ROBO2: variants seen among roughly 807,000 people sequenced by gnomAD.
ROBO2 encodes roundabout homolog 2.
Under a neutral mutation model 160.8 loss-of-function variants are expected in ROBO2, and 53 were observed. That is an observed-to-expected ratio of 0.33 (90% confidence interval 0.26 to 0.41). The LOEUF (loss-of-function observed/expected upper bound fraction) is 0.41. Among genes scored for constraint, ROBO2 ranks in the 10% least tolerant of loss-of-function variants. The pLI, the probability that ROBO2 is intolerant of heterozygous loss-of-function variation, is 1.00. For synonymous variants in ROBO2, 664 were observed against 611.7 expected (o/e 1.09, Z -1.26); for missense variants, 1,577 against 1,722.4 (o/e 0.92, Z 1.49).
intron 2 of ROBO2, among the ~76,000 whole-genome samples, chr3:76,476,628 G>A (rs2078944878): frequency 6.6e-6 from 1 of 152,160 alleles, no homozygotes; most frequent in Non-Finnish European, 1.5e-5. Flanking sequence ...AGGGTGATTG[G>A]GAGAGGTGGC....
At chr3:77,283,735 GA>G (rs1431483496) in intron 2 of ROBO2, among the ~76,000 whole-genome samples, 1 of 151,978 alleles carries the variant, frequency 6.6e-6, no homozygotes, top group Non-Finnish European at 1.5e-5. Flanking sequence ...GGTCCATATG[GA>G]AAATGAGATT....
At chr3:76,129,811 A>G (rs922333715) in intron 2 of ROBO2, among the ~76,000 whole-genome samples, 1 of 151,898 alleles carries the variant, frequency 6.6e-6, no homozygotes, top group African/African-American at 2.4e-5. Flanking sequence ...CTTGGCATCA[A>G]TTGTCAGGGA....
chr3:77,062,949 A>G (rs1486682467), intron 1 of ROBO2, among the ~76,000 whole-genome samples: 2 of 152,136 alleles, frequency 1.3e-5, no homozygotes, highest in African/African-American at 4.8e-5. Flanking sequence ...CCTCCCAGTT[A>G]CATTTTTTTT....
At chr3:76,649,010 T>C (rs1410885599) in intron 2 of ROBO2, among the ~76,000 whole-genome samples, 6 of 152,148 alleles carry the variant, frequency 3.9e-5, no homozygotes, top group Admixed American at 3.9e-4. Flanking sequence ...GTGAGTTTAA[T>C]GATGCAGTAC....
chr3:76,948,103 C>A (rs554580641), intron 2 of ROBO2, among the ~76,000 whole-genome samples: 80 of 152,242 alleles, frequency 5.3e-4, no homozygotes, highest in Non-Finnish European at 1.0e-3. Flanking sequence ...TATCCCACAT[C>A]CTGGAATGAT....
chr3:76,106,822 T>C lies in ROBO2; in HGVS notation c.109+169220T>C, dbSNP rs114500951. On this transcript the variant is annotated intron_variant, in intron 2 of 26. Coordinates refer to the ROBO2 transcript ENST00000487694. ...GGTAATACCACAGCCCTTTTCTGTC[T>C]GATGAATAGGGAAAATGCTAAGGGG... Among the ~76,000 whole-genome samples the C allele has an allele frequency of 7.0e-3, 1,073 of 152,250 alleles. 14 individuals carry two copies. Among genetic ancestry groups the C allele is most frequent in the African/African-American group, 0.025 (1,037 of 41,560 alleles).
intron 1 of ROBO2, among the ~76,000 whole-genome samples, chr3:75,920,980 A>G (rs1576143385): frequency 6.6e-6 from 1 of 151,842 alleles, no homozygotes; most frequent in Non-Finnish European, 1.5e-5. Context: ...TTGACTCTTT[A>G]TCCAATTTTC....
intron 2 of ROBO2, among the ~76,000 whole-genome samples, chr3:77,237,351 C>T (rs79859507): frequency 0.016 from 2,404 of 151,486 alleles, 65 homozygotes; most frequent in African/African-American, 0.056. Flanking sequence ...TACTGTACGC[C>T]ACCATACCTA....
chr3:76,662,659 C>T lies in ROBO2; in HGVS notation c.110-435355C>T, dbSNP rs542958139. ...TTTTTCAGTGAATGTAATATCTCAT[C>T]TAGACTTAAGGTACATATTAGCAAC... On this transcript the variant is annotated intron_variant, in intron 2 of 26. Transcript: ENST00000487694. Among the ~76,000 whole-genome samples, 6 of 152,166 alleles carry T rather than the reference C, an allele frequency of 3.9e-5. No individual in the cohort carries two copies. In the South Asian group the frequency reaches 6.2e-4, roughly 16 times the overall value.
In ROBO2 at chr3:77,622,443, C is replaced by A. The variant is rs759695747; in HGVS notation, c.3760+11C>A. ...ACAGCTCTGTGACAGGTAACGGAAC[C>A]AATTTAATAGGAAAAACTGACCTAT... On this transcript the variant is annotated intron_variant, in intron 23 of 25. Transcript: ENST00000461745. The A allele has an allele frequency of 4.3e-6, 7 of 1,613,066 alleles. No homozygotes were observed. In the East Asian group the frequency reaches 8.9e-5, roughly 21 times the overall value.
chr3:77,145,030 C>T (rs567573972), intron 2 of ROBO2, among the ~76,000 whole-genome samples: 3 of 151,910 alleles, frequency 2.0e-5, no homozygotes, highest in Non-Finnish European at 2.9e-5. Context: ...TTGTCATTTT[C>T]TCTTAAGTGT....
At chr3:76,139,063 T>A (rs1166664205) in intron 2 of ROBO2, among the ~76,000 whole-genome samples, 1 of 152,186 alleles carries the variant, frequency 6.6e-6, no homozygotes, top group African/African-American at 2.4e-5. Context: ...GTTCACTTAA[T>A]CTTGTTAAAT....
chr3:76,313,241 T>C (rs2071725125), intron 2 of ROBO2, among the ~76,000 whole-genome samples: 1 of 152,266 alleles, frequency 6.6e-6, no homozygotes, highest in South Asian at 2.1e-4. Flanking sequence ...ATTGCATAAA[T>C]ATTTTCCACA....
intron 2 of ROBO2, among the ~76,000 whole-genome samples, chr3:76,368,495 C>T (rs1247061758): frequency 6.6e-6 from 1 of 151,846 alleles, no homozygotes; most frequent in African/African-American, 2.4e-5. Context: ...AACTTAATGC[C>T]TTGGCTGAGA....
At chr3:76,476,973 A>C (rs1318991532) in intron 2 of ROBO2, among the ~76,000 whole-genome samples, 6 of 152,198 alleles carry the variant, frequency 3.9e-5, no homozygotes, top group Non-Finnish European at 1.5e-5. Context: ...AAGAACGTGG[A>C]CTTTACTGTC....
chr3:76,405,613 T>C (rs2078081962), intron 2 of ROBO2, among the ~76,000 whole-genome samples: 1 of 151,758 alleles, frequency 6.6e-6, no homozygotes, highest in Non-Finnish European at 1.5e-5. Flanking sequence ...CGGTTACTTA[T>C]AGGTATCCAA....
chr3:77,267,644 T>C lies in ROBO2; in HGVS notation c.388+169304T>C, dbSNP rs146446884. Among the ~76,000 whole-genome samples, 97 of 152,314 alleles carry C rather than the reference T, an allele frequency of 6.4e-4. No individual in the cohort carries two copies. In the East Asian group the frequency reaches 0.017, roughly 27 times the overall value. ...AATAAATAAAACAGTTTATTTGTAG[T>C]GGGACTGATCCCTCTTGCTCATGCA... On this transcript the variant is annotated intron_variant, in intron 2 of 25. Transcript: ENST00000461745.
At chr3:77,244,608 G>A (rs56360269) in intron 2 of ROBO2, among the ~76,000 whole-genome samples, 10,601 of 151,998 alleles carry the variant, frequency 0.07, 1,229 homozygotes, top group African/African-American at 0.24. Context: ...GGCCAGGCGC[G>A]GTGGCTCATG....
At chr3:75,940,270 G>C (rs4855983) in intron 2 of ROBO2, among the ~76,000 whole-genome samples, 65,473 of 151,798 alleles carry the variant, frequency 0.43, 15,391 homozygotes, top group South Asian at 0.66. Context: ...TATCTCAACT[G>C]TGTGCAACCA....
Sources: allele counts gnomAD v4.1 joint callset (sites outside exome capture counted in the v4.1 genomes callset), GRCh38; gene constraint gnomAD v4.1.1; transcripts MANE v1.5; gene names NCBI Gene and HGNC (gene_info 2026-07-23, HGNC 2026-07-21).